Variants in GPHN observed in about 807,000 individuals in gnomAD.
GPHN encodes the protein gephyrin.
In GPHN, 17 loss-of-function variants were observed where a neutral mutation model predicts 95.5. The observed-to-expected ratio is 0.18, with a 90% CI of 0.12 to 0.27. The LOEUF (loss-of-function observed/expected upper bound fraction) is 0.27, where lower values mean the gene tolerates loss of function less well. Ranked by LOEUF, GPHN falls within the 10% of genes least tolerant of loss-of-function variation. The pLI is 1.00. For synonymous variants in GPHN, 320 were observed against 322.5 expected (o/e 0.99, Z 0.08); for missense variants, 660 against 978.1 (o/e 0.67, Z 4.34).
At chr14:66,991,017 T>C (rs1237219580) in intron 9 of GPHN, among the ~76,000 whole-genome samples, 1 of 152,006 alleles carries the variant, frequency 6.6e-6, no homozygotes, top group Non-Finnish European at 1.5e-5. Flanking sequence ...CCACTATTGA[T>C]TAAGGATAAT....
At chr14:67,193,705 G>C in the GPHN span, among the ~76,000 whole-genome samples, 97 of 149,016 alleles carry the variant, frequency 6.5e-4, no homozygotes, top group African/African-American at 2.1e-3. Context: ...CACTTTGGGA[G>C]GCCAAAACAG....
the GPHN span, among the ~76,000 whole-genome samples, chr14:67,251,470 C>T: frequency 6.6e-6 from 1 of 152,022 alleles, no homozygotes; most frequent in African/African-American, 2.4e-5. Context: ...GAGGTTGAGG[C>T]TGCAGTGAAC....
chr14:66,668,173 C>T (rs879303776), intron 1 of GPHN, among the ~76,000 whole-genome samples: 18 of 152,188 alleles, frequency 1.2e-4, no homozygotes, highest in African/African-American at 4.1e-4. Context: ...AAGGCTTATA[C>T]ACTCTTGGTA....
intron 1 of GPHN, among the ~76,000 whole-genome samples, chr14:66,659,159 AGT>A (rs140002322): frequency 6.7e-6 from 1 of 150,284 alleles, no homozygotes; most frequent in African/African-American, 2.4e-5. Flanking sequence ...CAGTTTACAG[AGT>A]GTGTGTGTGT....
chr14:66,806,231 G>A (rs2060536189), intron 3 of GPHN, among the ~76,000 whole-genome samples: 1 of 152,128 alleles, frequency 6.6e-6, no homozygotes, highest in South Asian at 2.1e-4. Context: ...AAGATGCAGG[G>A]CACCAAGTCC....
intron 2 of GPHN, chr14:66,709,516 A>G: frequency 2.4e-6 from 1 of 415,158 alleles, no homozygotes; most frequent in South Asian, 1.8e-5. Flanking sequence ...CAAAGGGATG[A>G]TTCATGTCCC....
At chr14:66,931,372 A>G (rs1446769617) in intron 8 of GPHN, among the ~76,000 whole-genome samples, 4 of 152,062 alleles carry the variant, frequency 2.6e-5, no homozygotes, top group Non-Finnish European at 4.4e-5. Flanking sequence ...GCCTTCGTGT[A>G]CTTGAATATT....
the GPHN span, chr14:67,695,799 A>G: frequency 8.6e-7 from 1 of 1,160,940 alleles, no homozygotes; most frequent in Non-Finnish European, 1.3e-6. Flanking sequence ...AAATTGCGAC[A>G]GCCCGGGGAG....
At chr14:66,916,195 C>T in intron 6 of GPHN, 126 bp downstream of exon 6, 2 of 710,334 alleles carry the variant, frequency 2.8e-6, no homozygotes, top group Admixed American at 2.0e-5. Flanking sequence ...TGCAGGATTC[C>T]CAAAGTCACT....
At chr14:66,606,938 C>T (rs1275786536) in intron 1 of GPHN, among the ~76,000 whole-genome samples, 1 of 151,930 alleles carries the variant, frequency 6.6e-6, no homozygotes, top group Non-Finnish European at 1.5e-5. Context: ...TTATTTCTTT[C>T]TTTTGTCTGA....
At chr14:66,624,985 AG>A (rs2063463776) in intron 1 of GPHN, among the ~76,000 whole-genome samples, 1 of 152,194 alleles carries the variant, frequency 6.6e-6, no homozygotes, top group Non-Finnish European at 1.5e-5. Flanking sequence ...TGATGCCTAG[AG>A]TAAGTGCCTG....
chr14:67,591,330 A>G, the GPHN span, among the ~76,000 whole-genome samples: 31 of 152,228 alleles, frequency 2.0e-4, no homozygotes, highest in African/African-American at 7.0e-4. Context: ...AAGTTGTCCA[A>G]TCTCTGGAGC....
At chr14:67,183,308 A>G (rs995339918), downstream of GPHN, among the ~76,000 whole-genome samples, 2 of 152,228 alleles carry the variant, frequency 1.3e-5, no homozygotes, top group African/African-American at 4.8e-5. Context: ...ATGTGCATAT[A>G]TGCAAGCATC....
At chr14:67,469,027 T>C in the GPHN span, among the ~76,000 whole-genome samples, 1 of 152,224 alleles carries the variant, frequency 6.6e-6, no homozygotes, top group African/African-American at 2.4e-5. Context: ...TGCTTGCCTC[T>C]TTCTATAAAA....
rs1009396484 is a variant in GPHN, at chr14:67,100,750, C to A, written c.1238-106C>A. 3.4e-5 allele frequency: 26 copies of A among 767,590 alleles called. No homozygotes were observed. The Admixed American group carries it at 4.9e-4, about 15-fold the overall frequency. 47.5% of individuals were successfully genotyped at this position (767,590 alleles called of 1,614,324 possible). ...CAGAAAAATATTCCACTTCTCTAAG[C>A]CTTATCAAATAATTTGAGTCAAATT... On this transcript the variant is annotated intron_variant, in intron 12 of 22. Transcript: ENST00000478722.
intron 1 of GPHN, among the ~76,000 whole-genome samples, chr14:66,597,109 C>T (rs2062016314): frequency 6.6e-6 from 1 of 152,002 alleles, no homozygotes; most frequent in South Asian, 2.1e-4. Flanking sequence ...TCTAAGGGTC[C>T]CTAGTAAAAG....
At chr14:67,198,195 A>G in the GPHN span, 2 of 1,613,816 alleles carry the variant, frequency 1.2e-6, no homozygotes, top group Non-Finnish European at 1.7e-6. Context: ...TACCATGAGG[A>G]TCAATAAGCA....
chr14:67,148,796 G>A (rs2081062073), intron 18 of GPHN, among the ~76,000 whole-genome samples: 1 of 151,322 alleles, frequency 6.6e-6, no homozygotes, highest in African/African-American at 2.4e-5. Context: ...TCGATCTCCT[G>A]ACCTCATGAT....
chr14:67,341,396 G>A, the GPHN span, among the ~76,000 whole-genome samples: 3 of 151,452 alleles, frequency 2.0e-5, no homozygotes, highest in Non-Finnish European at 2.9e-5. Flanking sequence ...CCCTCCGCCC[G>A]GCAGCCGCCC....
Sources: gnomAD v4.1 joint callset for allele counts (sites outside exome capture counted in the v4.1 genomes callset) on GRCh38, gnomAD v4.1.1 for gene constraint, MANE v1.5 for transcripts, NCBI Gene and HGNC (gene_info 2026-07-23, HGNC 2026-07-21) for gene names.